The following LYZL4 variants were observed in gnomAD, a reference collection of about 807,000 sequenced individuals.
The protein encoded by LYZL4 is lysozyme-like protein 4.
Under a neutral mutation model 17.6 loss-of-function variants are expected in LYZL4, and 13 were observed. The observed-to-expected ratio is 0.74, with a 90% CI of 0.48 to 1.18. The LOEUF is 1.18. Ranked by LOEUF, LYZL4 falls within the 50% of genes most tolerant of loss-of-function variation. The pLI, the probability that LYZL4 is intolerant of heterozygous loss-of-function variation, is 0.00. For synonymous variants in LYZL4, 64 were observed against 67.7 expected, an observed-to-expected ratio of 0.95 and a Z score of 0.27; for missense variants, 174 against 188.2, an observed-to-expected ratio of 0.92 and a Z score of 0.44.
the LYZL4 span, among the ~76,000 whole-genome samples, chr3:42,366,962 T>C: frequency 1.2e-4 from 18 of 152,352 alleles, no homozygotes; most frequent in African/African-American, 3.8e-4. Flanking sequence ...GCTGTGCTTA[T>C]AGCTTGTGCT....
At chr3:42,372,119 G>A in the LYZL4 span, among the ~76,000 whole-genome samples, 199 of 152,316 alleles carry the variant, frequency 1.3e-3, 2 homozygotes, top group East Asian at 4.1e-3. Context: ...GGTCAGCCAC[G>A]TCCATTTCTG....
the LYZL4 span, among the ~76,000 whole-genome samples, chr3:42,376,194 G>A: frequency 6.6e-6 from 1 of 152,230 alleles, no homozygotes; most frequent in Non-Finnish European, 1.5e-5. Flanking sequence ...AGAGGCCCAA[G>A]AACAAGTTCC....
Position 42,407,362 on chromosome 3 carries a change from A to T in LYZL4, c.-92-19T>A. 7.1e-7 allele frequency: 1 copy of T among 1,417,434 alleles called. No individual in the cohort carries two copies. The highest frequency in any genetic ancestry group is 1.3e-5 in the South Asian group (1 of 75,886). The allele number at this position is 1,417,434 out of a possible 1,614,324, so 87.8% of individuals were successfully genotyped here. A position where few individuals can be genotyped will look rare whatever the true frequency, so the allele number is the denominator to read the frequency against. ...AAGGGCACTGTGGGGGTGGGGGTGG[A>T]GCACAGTTCAGTGTCATCAGAAAAA... On this transcript the variant is annotated intron_variant, in intron 1 of 4. Transcript: ENST00000287748.
At chr3:42,404,418 T>G (rs1698713588) in intron 3 of LYZL4, among the ~76,000 whole-genome samples, 2 of 152,236 alleles carry the variant, frequency 1.3e-5, no homozygotes, top group South Asian at 4.1e-4. Context: ...GTTCTAACCC[T>G]TCACTTAACC....
the LYZL4 span, among the ~76,000 whole-genome samples, chr3:42,368,717 T>C: frequency 6.6e-6 from 1 of 152,336 alleles, no homozygotes; most frequent in East Asian, 1.9e-4. Flanking sequence ...CAGATTGCTT[T>C]CTAGAAAGGT....
chr3:42,396,428 C>T (rs562161420), downstream of LYZL4, among the ~76,000 whole-genome samples: 6 of 152,296 alleles, frequency 3.9e-5, no homozygotes, highest in African/African-American at 1.4e-4. Flanking sequence ...AAGCTGTAAG[C>T]CACTAAGCTT....
At chr3:42,408,530 T>C (rs1698805374) in intron 1 of LYZL4, among the ~76,000 whole-genome samples, 1 of 152,208 alleles carries the variant, frequency 6.6e-6, no homozygotes, top group Non-Finnish European at 1.5e-5. Context: ...ATTTTCCCTC[T>C]GAGCCCCTAT....
intron 4 of LYZL4, among the ~76,000 whole-genome samples, chr3:42,401,372 G>A (rs1424262413): frequency 1.3e-5 from 2 of 151,776 alleles, no homozygotes; most frequent in Non-Finnish European, 2.9e-5. Context: ...CACCACGCCC[G>A]GCTAATTTTT....
the LYZL4 span, among the ~76,000 whole-genome samples, chr3:42,391,855 A>C: frequency 6.6e-6 from 1 of 151,754 alleles, no homozygotes; most frequent in East Asian, 1.9e-4. Context: ...AGAAAGTGAT[A>C]GTATATTATC....
chr3:42,403,641 T>C (rs1698699147), intron 4 of LYZL4, among the ~76,000 whole-genome samples: 1 of 152,198 alleles, frequency 6.6e-6, no homozygotes. Context: ...TACATTTTAC[T>C]AAACCTTTTG....
At chr3:42,395,677 T>C (rs1698540055), downstream of LYZL4, among the ~76,000 whole-genome samples, 1 of 152,182 alleles carries the variant, frequency 6.6e-6, no homozygotes, top group Non-Finnish European at 1.5e-5. Flanking sequence ...AAATATATGT[T>C]GTTGGGGTAA....
chr3:42,375,800 G>A, the LYZL4 span, among the ~76,000 whole-genome samples: 1 of 152,066 alleles, frequency 6.6e-6, no homozygotes, highest in Admixed American at 6.5e-5. Context: ...TTATCTTCAG[G>A]CTCCACCAGC....
At position 42,406,701 on chromosome 3, in the gene LYZL4, C is replaced by T. The variant is rs1429884159; in HGVS notation, c.292+145G>A. 17 of 963,264 alleles carry T rather than the reference C, an allele frequency of 1.8e-5. No homozygotes were observed. The East Asian group carries it at 4.2e-4, about 24-fold the overall frequency. The allele number at this position is 963,264 out of a possible 1,614,324, so 59.7% of individuals were successfully genotyped here. On this transcript the variant is annotated intron_variant, in intron 3 of 4. Coordinates refer to ENST00000287748, the MANE Select transcript of LYZL4 (RefSeq NM_144634.4). The stretch of plus-strand genomic sequence containing the variant: ...GTACCCCCAGCAGTGCAATGCTCAG[C>T]CTCCCAGGGACCCACCCTGGATATG...
chr3:42,362,933 C>G, the LYZL4 span, among the ~76,000 whole-genome samples: 1 of 152,168 alleles, frequency 6.6e-6, no homozygotes, highest in Admixed American at 6.5e-5. Context: ...CTACATATCT[C>G]CTGAAAGATG....
the LYZL4 span, among the ~76,000 whole-genome samples, chr3:42,362,129 A>G: frequency 1.1e-4 from 16 of 152,250 alleles, no homozygotes; most frequent in African/African-American, 3.6e-4. Context: ...GAGAACCATA[A>G]GAGAGGGGAA....
chr3:42,378,876 T>C, the LYZL4 span, among the ~76,000 whole-genome samples: 1 of 152,174 alleles, frequency 6.6e-6, no homozygotes, highest in African/African-American at 2.4e-5. Context: ...TCTTTTTATT[T>C]GACAAGTGAG....
chr3:42,369,379 G>A, the LYZL4 span, among the ~76,000 whole-genome samples: 2 of 152,254 alleles, frequency 1.3e-5, no homozygotes, highest in Non-Finnish European at 1.5e-5. Context: ...TGTCTTTAAA[G>A]TGAAGGCTTC....
At chr3:42,376,619 C>T in the LYZL4 span, among the ~76,000 whole-genome samples, 24 of 152,220 alleles carry the variant, frequency 1.6e-4, no homozygotes, top group African/African-American at 5.3e-4. Context: ...CAGACCCCAA[C>T]GAGTGACTCA....
chr3:42,393,171 C>G (rs186994430), downstream of LYZL4, among the ~76,000 whole-genome samples: 5 of 152,272 alleles, frequency 3.3e-5, no homozygotes, highest in East Asian at 7.7e-4. Flanking sequence ...TCACCTTTAG[C>G]TCAGAAGTGT....
Sources: allele counts gnomAD v4.1 joint callset (sites outside exome capture counted in the v4.1 genomes callset), GRCh38; gene constraint gnomAD v4.1.1; transcripts MANE v1.5; gene names NCBI Gene and HGNC (gene_info 2026-07-23, HGNC 2026-07-21).